The following EPHA6 variants were observed in gnomAD, a reference collection of about 807,000 sequenced individuals.
EPHA6 encodes ephrin type-A receptor 6.
Under a neutral mutation model 112.0 loss-of-function variants are expected in EPHA6, and 50 were observed. The observed-to-expected ratio is 0.45, with a 90% CI of 0.36 to 0.56. EPHA6 has a LOEUF of 0.56. Among genes scored for constraint, EPHA6 ranks in the 20% least tolerant of loss-of-function variants. The pLI is 0.00. For missense variants in EPHA6, 1,280 were observed against 1,417.4 expected, an observed-to-expected ratio of 0.90 and a Z score of 1.56; for synonymous variants, 529 against 490.7, an observed-to-expected ratio of 1.08 and a Z score of -1.03.
intron 5 of EPHA6, among the ~76,000 whole-genome samples, chr3:97,302,120 A>G (rs1166878400): frequency 1.3e-5 from 2 of 152,030 alleles, no homozygotes; most frequent in African/African-American, 4.8e-5. Flanking sequence ...TGTTGAACTC[A>G]CATACATCAA....
At chr3:97,408,818 G>C (rs1389718430) in intron 6 of EPHA6, among the ~76,000 whole-genome samples, 1 of 151,978 alleles carries the variant, frequency 6.6e-6, no homozygotes, top group Non-Finnish European at 1.5e-5. Context: ...TGGCCTTGGA[G>C]GTGATTTCAA....
At chr3:96,839,660 TG>T (rs1303077566) in intron 1 of EPHA6, among the ~76,000 whole-genome samples, 1 of 152,032 alleles carries the variant, frequency 6.6e-6, no homozygotes, top group African/African-American at 2.4e-5. Context: ...AGGAATGCTA[TG>T]GAGACTAGAG....
At chr3:97,495,453 TATATATAGA>T (rs1347851704) in intron 10 of EPHA6, among the ~76,000 whole-genome samples, 2 of 151,870 alleles carry the variant, frequency 1.3e-5, no homozygotes, top group African/African-American at 2.4e-5. Flanking sequence ...CAAATTCTAG[TATATATAGA>T]ATATATGATA....
intron 3 of EPHA6, among the ~76,000 whole-genome samples, chr3:97,043,642 G>C (rs2045397963): frequency 6.6e-6 from 1 of 152,122 alleles, no homozygotes; most frequent in African/African-American, 2.4e-5. Context: ...GTAATCTTTA[G>C]TTAGGGCTTT....
rs143820535 is a variant in EPHA6 at position 97,541,628 on chromosome 3, C to G, written c.2386+9085C>G. ...TTCAAATCTGTGACAATTCTTCAAC[C>G]TTTCCTTGTCTTTTATGACCTTGAA... On this transcript the variant is annotated intron_variant, in intron 11 of 17. Transcript: ENST00000389672. Among the ~76,000 whole-genome samples the G allele has an allele frequency of 3.4e-3, 510 of 151,826 alleles. 3 individuals carry two copies. Among genetic ancestry groups the G allele is most frequent in the African/African-American group, 0.012 (486 of 41,466 alleles).
chr3:96,960,201 G>A (rs555906411), intron 2 of EPHA6, among the ~76,000 whole-genome samples: 23 of 152,224 alleles, frequency 1.5e-4, no homozygotes, highest in African/African-American at 4.8e-4. Flanking sequence ...TAGTTGATGT[G>A]CTCAGGGTCT....
intron 2 of EPHA6, among the ~76,000 whole-genome samples, chr3:96,904,645 GA>G (rs1375308625): frequency 6.6e-6 from 1 of 151,370 alleles, no homozygotes; most frequent in Non-Finnish European, 1.5e-5. Context: ...TGTTTTTGTT[GA>G]AGTTTATTTT....
At position 97,448,623 on chromosome 3, in the gene EPHA6, T is replaced by C; in HGVS notation, c.1787T>C (p.Ile596Thr). The C allele has an allele frequency of 6.2e-7, 1 of 1,613,602 alleles. No individual in the cohort carries two copies. Among genetic ancestry groups the C allele is most frequent in the Non-Finnish European group, 8.5e-7 (1 of 1,179,606 alleles). Residue 596 changes from isoleucine (I) to threonine (T), a missense_variant, in exon 7 of 18, where the codon ATC (isoleucine) becomes ACC (threonine). Around this residue, in one of 4 missense-constraint regions of EPHA6, gnomAD observed 878 missense variants for 999.7 expected, o/e 0.88. Transcript: ENST00000389672. Reference protein sequence around the residue: ...STRSKAPSVIITGLKPATKYV... With the variant: ...STRSKAPSVITTGLKPATKYV... ...AGGTCCAAAGCCCCCAGTGTCATCA[T>C]CACAGGTCTTAAGCCAGCCACCAAA...
chr3:96,908,528 A>G (rs2039052682), intron 2 of EPHA6, among the ~76,000 whole-genome samples: 1 of 151,762 alleles, frequency 6.6e-6, no homozygotes, highest in Admixed American at 6.6e-5. Flanking sequence ...TTCTCGTTTG[A>G]GGTCAGTAGG....
chr3:97,267,760 A>G (rs2079736144), intron 5 of EPHA6, among the ~76,000 whole-genome samples: 1 of 152,114 alleles, frequency 6.6e-6, no homozygotes, highest in East Asian at 1.9e-4. Flanking sequence ...CCCAAGAAGG[A>G]GTTGTATAAG....
At chr3:97,263,130 A>C (rs1253529020) in intron 5 of EPHA6, among the ~76,000 whole-genome samples, 1 of 152,178 alleles carries the variant, frequency 6.6e-6, no homozygotes, top group Non-Finnish European at 1.5e-5. Flanking sequence ...GTTGATGTTA[A>C]CTGCTAAGCA....
intron 10 of EPHA6, among the ~76,000 whole-genome samples, chr3:97,515,175 T>C (rs532300781): frequency 3.3e-4 from 50 of 152,290 alleles, no homozygotes; most frequent in African/African-American, 1.1e-3. Context: ...CTAATAACAC[T>C]ACTATCCAAT....
intron 3 of EPHA6, among the ~76,000 whole-genome samples, chr3:97,051,179 T>C (rs2045674609): frequency 6.6e-6 from 1 of 152,174 alleles, no homozygotes; most frequent in Non-Finnish European, 1.5e-5. Context: ...CTCATTTGTT[T>C]AACACTAAAT....
At chr3:96,918,287 A>G (rs935987682) in intron 2 of EPHA6, among the ~76,000 whole-genome samples, 4 of 152,182 alleles carry the variant, frequency 2.6e-5, no homozygotes, top group African/African-American at 9.6e-5. Flanking sequence ...AAATGGATAA[A>G]ATTATATTCT....
At chr3:97,045,012 C>G (rs1397695483) in intron 3 of EPHA6, among the ~76,000 whole-genome samples, 2 of 152,014 alleles carry the variant, frequency 1.3e-5, no homozygotes, top group African/African-American at 4.8e-5. Flanking sequence ...AGTATTATAT[C>G]AATTTGAATG....
chr3:97,067,922 A>C (rs1354979784), intron 3 of EPHA6, among the ~76,000 whole-genome samples: 1 of 151,814 alleles, frequency 6.6e-6, no homozygotes, highest in African/African-American at 2.4e-5. Flanking sequence ...GCAGGTGAGG[A>C]TCTCTTGAGG....
intron 2 of EPHA6, among the ~76,000 whole-genome samples, chr3:96,870,831 A>G (rs1037804153): frequency 6.6e-6 from 1 of 152,090 alleles, no homozygotes; most frequent in African/African-American, 2.4e-5. Flanking sequence ...ATGTACTATG[A>G]TAGAGAATGG....
chr3:97,131,805 T>TGATCAAATTGTTG (rs775678182), intron 3 of EPHA6, among the ~76,000 whole-genome samples: 5 of 152,136 alleles, frequency 3.3e-5, no homozygotes, highest in Non-Finnish European at 2.9e-5. Flanking sequence ...ATTTAGATCT[T>TGATCAAATTGTTG]GATCAAAGTG....
chr3:97,133,747 T>C (rs1483171343), intron 3 of EPHA6, among the ~76,000 whole-genome samples: 2 of 152,020 alleles, frequency 1.3e-5, no homozygotes, highest in East Asian at 3.9e-4. Flanking sequence ...ATAATTGATA[T>C]GTTAACAGTA....
Sources: gnomAD v4.1 joint callset for allele counts (sites outside exome capture counted in the v4.1 genomes callset) on GRCh38, gnomAD v4.1.1 for gene constraint, gnomAD v4.1.1 regional missense constraint, MANE v1.5 for transcripts, NCBI Gene and HGNC (gene_info 2026-07-23, HGNC 2026-07-21) for gene names.